The following PLD5 variants were observed in gnomAD, a reference collection of about 807,000 sequenced individuals.
PLD5 encodes the protein phospholipase D family member 5.
In PLD5, 36 loss-of-function variants were observed where a neutral mutation model predicts 61.1. The observed-to-expected ratio is 0.59, with a 90% confidence interval of 0.45 to 0.78. PLD5 has a LOEUF of 0.78. PLD5 is among the 30% of genes least tolerant of loss of function. The pLI, the probability that PLD5 is intolerant of heterozygous loss-of-function variation, is 0.00. For synonymous variants in PLD5, 243 were observed against 242.8 expected (o/e 1.00, Z -0.01); for missense variants, 515 against 644.4 (o/e 0.80, Z 2.17).
chr1:242,448,393 T>C (rs1440744155), intron 1 of PLD5, among the ~76,000 whole-genome samples: 1 of 152,220 alleles, frequency 6.6e-6, no homozygotes, highest in Non-Finnish European at 1.5e-5. Flanking sequence ...GAAAAATCAT[T>C]TCCCACACAT....
chr1:242,153,779 G>A (rs913702091), intron 5 of PLD5, among the ~76,000 whole-genome samples: 1 of 152,152 alleles, frequency 6.6e-6, no homozygotes, highest in African/African-American at 2.4e-5. Flanking sequence ...TTTGAAGTCA[G>A]GTAGCCTGAT....
chr1:242,495,910 C>T (rs1668353779), intron 1 of PLD5, among the ~76,000 whole-genome samples: 1 of 152,184 alleles, frequency 6.6e-6, no homozygotes, highest in African/African-American at 2.4e-5. Context: ...ACAAGAGGTC[C>T]TAACCTTCCA....
At chr1:242,145,572 T>C (rs950323647) in intron 5 of PLD5, among the ~76,000 whole-genome samples, 3 of 152,118 alleles carry the variant, frequency 2.0e-5, no homozygotes, top group African/African-American at 7.2e-5. Flanking sequence ...AATGCAAAGA[T>C]TCAGTGTCAT....
intron 2 of PLD5, among the ~76,000 whole-genome samples, chr1:242,297,939 C>T (rs1458339168): frequency 4.6e-5 from 7 of 152,168 alleles, no homozygotes; most frequent in Admixed American, 2.6e-4. Context: ...GCGCCCGGCC[C>T]GGATTCATGT....
At chr1:242,181,733 G>A (rs1441448945) in intron 5 of PLD5, among the ~76,000 whole-genome samples, 1 of 151,846 alleles carries the variant, frequency 6.6e-6, no homozygotes, top group Non-Finnish European at 1.5e-5. Context: ...CGAGATCTCG[G>A]CTCACTGCAA....
intron 5 of PLD5, among the ~76,000 whole-genome samples, chr1:242,153,740 G>C (rs1352649132): frequency 6.6e-6 from 1 of 152,046 alleles, no homozygotes; most frequent in African/African-American, 2.4e-5. Flanking sequence ...GTACCATGCT[G>C]TTTTGGTTAC....
chr1:242,487,085 T>C (rs1389464234), intron 1 of PLD5, among the ~76,000 whole-genome samples: 1 of 151,654 alleles, frequency 6.6e-6, no homozygotes, highest in Non-Finnish European at 1.5e-5. Flanking sequence ...GGGGGAGGGA[T>C]AGCATTAGGA....
intron 4 of PLD5, among the ~76,000 whole-genome samples, chr1:242,229,184 CAAAAG>C (rs765601302): frequency 8.6e-5 from 13 of 152,040 alleles, no homozygotes; most frequent in South Asian, 2.1e-4. Context: ...CAAAATGGCA[CAAAAG>C]AAAACATGCT....
chr1:242,176,803 C>T (rs528796524), intron 5 of PLD5, among the ~76,000 whole-genome samples: 17 of 152,328 alleles, frequency 1.1e-4, no homozygotes, highest in African/African-American at 4.1e-4. Flanking sequence ...GGCATTTCTG[C>T]AGCCAACAAA....
intron 1 of PLD5, among the ~76,000 whole-genome samples, chr1:242,437,220 T>C (rs1024364043): frequency 6.6e-6 from 1 of 152,112 alleles, no homozygotes; most frequent in Non-Finnish European, 1.5e-5. Flanking sequence ...ATCACACACA[T>C]TTAAATCGAA....
intron 4 of PLD5, among the ~76,000 whole-genome samples, chr1:242,227,748 G>A (rs1260426627): frequency 6.6e-6 from 1 of 152,158 alleles, no homozygotes; most frequent in African/African-American, 2.4e-5. Flanking sequence ...AGATCTGTGG[G>A]GACCATCCTT....
chr1:242,490,922 A>G (rs762043929), intron 1 of PLD5, among the ~76,000 whole-genome samples: 1 of 152,138 alleles, frequency 6.6e-6, no homozygotes, highest in Non-Finnish European at 1.5e-5. Context: ...CTCTTTGTAA[A>G]GCACATTTTG....
At chr1:242,406,168 G>A (rs930507006) in intron 1 of PLD5, among the ~76,000 whole-genome samples, 7 of 152,172 alleles carry the variant, frequency 4.6e-5, no homozygotes, top group Non-Finnish European at 7.3e-5. Flanking sequence ...CCCAGGGACA[G>A]CTGCTACTCA....
At chr1:242,508,810 G>A (rs1056728031) in intron 1 of PLD5, among the ~76,000 whole-genome samples, 4 of 152,252 alleles carry the variant, frequency 2.6e-5, no homozygotes, top group Admixed American at 2.6e-4. Context: ...GCCAGGCATA[G>A]TGGCTTACAC....
intron 1 of PLD5, among the ~76,000 whole-genome samples, chr1:242,466,888 A>G (rs1175155784): frequency 7.4e-6 from 1 of 135,180 alleles, no homozygotes; most frequent in Non-Finnish European, 1.6e-5. Context: ...GTGAGACTCC[A>G]TCTCAAAAAA....
intron 1 of PLD5, among the ~76,000 whole-genome samples, chr1:242,472,803 G>A (rs1017234075): frequency 5.3e-5 from 8 of 150,042 alleles, no homozygotes; most frequent in African/African-American, 1.7e-4. Context: ...TATCAAATCC[G>A]TGTGTTCCAT....
At chr1:242,163,312 T>A (rs1666024082) in intron 5 of PLD5, among the ~76,000 whole-genome samples, 2 of 151,680 alleles carry the variant, frequency 1.3e-5, no homozygotes, top group African/African-American at 4.9e-5. Flanking sequence ...CCCGGCTAAT[T>A]TTTTGTATTT....
chr1:242,299,119 A>C (rs1675884583), intron 2 of PLD5, among the ~76,000 whole-genome samples: 1 of 151,948 alleles, frequency 6.6e-6, no homozygotes, highest in African/African-American at 2.4e-5. Flanking sequence ...TACATTAAAA[A>C]ATTTTTTTTA....
intron 8 of PLD5, among the ~76,000 whole-genome samples, chr1:242,103,177 G>C (rs559974103): frequency 4.7e-4 from 71 of 152,190 alleles, no homozygotes; most frequent in Middle Eastern, 6.8e-3. Flanking sequence ...CGAATAACAG[G>C]GGCTCCTCTG....
Sources: allele counts gnomAD v4.1 joint callset (sites outside exome capture counted in the v4.1 genomes callset), GRCh38; gene constraint gnomAD v4.1.1; transcripts MANE v1.5; gene names NCBI Gene and HGNC (gene_info 2026-07-23, HGNC 2026-07-21).